Variants in C7orf78 observed in about 807,000 individuals in gnomAD.
The protein encoded by C7orf78 is putative uncharacterized protein C7orf78.
the C7orf78 span, chr7:12,538,498 G>C: frequency 2.0e-5 from 3 of 152,084 alleles, no homozygotes; most frequent in African/African-American, 7.2e-5. Context: ...TCCTCTGTGT[G>C]GCTGATGTTC....
the C7orf78 span, chr7:12,492,032 T>C: frequency 6.6e-6 from 1 of 152,222 alleles, no homozygotes; most frequent in Non-Finnish European, 1.5e-5. Flanking sequence ...AACTATTTCT[T>C]TCCTTGATTT....
the C7orf78 span, among the ~76,000 whole-genome samples, chr7:12,523,965 C>T: frequency 2.6e-5 from 4 of 151,970 alleles, no homozygotes; most frequent in Non-Finnish European, 5.9e-5. Context: ...AATATAATTC[C>T]ACTAAAATGT....
the C7orf78 span, among the ~76,000 whole-genome samples, chr7:12,498,009 C>T: frequency 2.6e-5 from 4 of 151,808 alleles, no homozygotes; most frequent in Admixed American, 2.0e-4. Context: ...TCCAACAGAC[C>T]TGCAGCTGAG....
the C7orf78 span, among the ~76,000 whole-genome samples, chr7:12,516,764 A>T: frequency 6.6e-6 from 1 of 152,320 alleles, no homozygotes; most frequent in Admixed American, 6.5e-5. Context: ...TTGACTGCCC[A>T]GATGGATTTC....
At chr7:12,499,994 G>A in the C7orf78 span, among the ~76,000 whole-genome samples, 11 of 111,922 alleles carry the variant, frequency 9.8e-5, 1 homozygote, top group African/African-American at 2.4e-4. Context: ...GGTACATAAC[G>A]AAATGAAGGC....
chr7:12,529,407 C>A, the C7orf78 span, among the ~76,000 whole-genome samples: 1 of 152,112 alleles, frequency 6.6e-6, no homozygotes, highest in African/African-American at 2.4e-5. Context: ...AGTAATGCTA[C>A]ATACTTTTTA....
chr7:12,494,272 T>C, the C7orf78 span, among the ~76,000 whole-genome samples: 3 of 152,188 alleles, frequency 2.0e-5, no homozygotes, highest in Non-Finnish European at 4.4e-5. Context: ...TGGTCTCAGC[T>C]GTGGTGCACT....
chr7:12,506,908 G>T, the C7orf78 span: 1 of 481,296 alleles, frequency 2.1e-6, no homozygotes, highest in Non-Finnish European at 4.2e-6. Context: ...GTTTTTGGTT[G>T]GTGAAGGAGA....
At chr7:12,536,254 A>G in the C7orf78 span, among the ~76,000 whole-genome samples, 2 of 152,166 alleles carry the variant, frequency 1.3e-5, no homozygotes, top group African/African-American at 4.8e-5. Flanking sequence ...GGAGGCTCCC[A>G]AACCTCAATT....
the C7orf78 span, chr7:12,529,002 T>C: frequency 7.5e-6 from 3 of 398,398 alleles, no homozygotes; most frequent in South Asian, 3.8e-4. Context: ...CAAAACTAAT[T>C]TTGACGAAAG....
At chr7:12,505,234 AATT>A in the C7orf78 span, among the ~76,000 whole-genome samples, 4 of 152,236 alleles carry the variant, frequency 2.6e-5, no homozygotes, top group East Asian at 7.7e-4. Context: ...TGGCAAACAT[AATT>A]ATTATGATTG....
the C7orf78 span, among the ~76,000 whole-genome samples, chr7:12,523,940 C>G: frequency 6.6e-6 from 1 of 152,056 alleles, no homozygotes; most frequent in Non-Finnish European, 1.5e-5. Flanking sequence ...CAGATAAGGT[C>G]AAATATTTAT....
At chr7:12,496,194 G>C in the C7orf78 span, among the ~76,000 whole-genome samples, 3 of 152,072 alleles carry the variant, frequency 2.0e-5, no homozygotes, top group Non-Finnish European at 4.4e-5. Context: ...CAAAGTGCTG[G>C]GAATACAGGC....
At chr7:12,507,568 A>T in the C7orf78 span, 3 of 157,402 alleles carry the variant, frequency 1.9e-5, no homozygotes, top group South Asian at 5.7e-4. Flanking sequence ...AAAGTTTTAA[A>T]ATTTTTATAA....
chr7:12,526,393 T>C, the C7orf78 span, among the ~76,000 whole-genome samples: 1 of 152,156 alleles, frequency 6.6e-6, no homozygotes, highest in Admixed American at 6.5e-5. Flanking sequence ...TATGGTGCCA[T>C]TTGTTAAGTG....
the C7orf78 span, among the ~76,000 whole-genome samples, chr7:12,512,012 T>G: frequency 6.8e-6 from 1 of 148,074 alleles, no homozygotes; most frequent in African/African-American, 2.5e-5. Context: ...CCTGACTTCA[T>G]GATCCACCCT....
the C7orf78 span, among the ~76,000 whole-genome samples, chr7:12,531,273 C>A: frequency 6.6e-6 from 1 of 152,298 alleles, no homozygotes; most frequent in East Asian, 1.9e-4. Context: ...AGAATCCAAT[C>A]CCATTATCAA....
chr7:12,527,266 T>C, the C7orf78 span, among the ~76,000 whole-genome samples: 2 of 109,684 alleles, frequency 1.8e-5, no homozygotes, highest in Non-Finnish European at 3.6e-5. Context: ...GCTTTCCTAG[T>C]ATATGCTATG....
At chr7:12,536,897 C>T in the C7orf78 span, among the ~76,000 whole-genome samples, 16 of 152,142 alleles carry the variant, frequency 1.1e-4, no homozygotes, top group African/African-American at 3.4e-4. Flanking sequence ...CCTTCTGAGA[C>T]GACCTCAGCC....
Sources: allele counts gnomAD v4.1 joint callset (sites outside exome capture counted in the v4.1 genomes callset), GRCh38; gene constraint gnomAD v4.1.1; transcripts MANE v1.5; gene names NCBI Gene and HGNC (gene_info 2026-07-23, HGNC 2026-07-21).